MORC2: variants seen among roughly 807,000 people sequenced by gnomAD.
MORC2 encodes the protein MORC family CW-type zinc finger 2.
Under a neutral mutation model 136.0 loss-of-function variants are expected in MORC2, and 30 were observed. The observed-to-expected ratio is 0.22, with a 90% CI of 0.17 to 0.30. MORC2 has a LOEUF of 0.30. Among genes scored for constraint, MORC2 ranks in the 10% least tolerant of loss-of-function variants. MORC2 has a pLI of 1.00. For missense variants in MORC2, 922 were observed against 1,333.1 expected (o/e 0.69, Z 4.80); for synonymous variants, 439 against 487.0 (o/e 0.90, Z 1.30).
intron 6 of MORC2, among the ~76,000 whole-genome samples, chr22:30,945,390 G>A (rs2040801209): frequency 6.6e-6 from 1 of 152,204 alleles, no homozygotes; most frequent in African/African-American, 2.4e-5. Context: ...AACAGAACCA[G>A]AACAAATTTA....
chr22:30,966,216 C>T (rs1483314444), intron 1 of MORC2, among the ~76,000 whole-genome samples: 2 of 152,148 alleles, frequency 1.3e-5, no homozygotes, highest in African/African-American at 2.4e-5. Flanking sequence ...TCATGGTCTT[C>T]CAAGATTATC....
chr22:30,942,089 C>T, intron 7 of MORC2, 23 bp downstream of exon 7: 1 of 1,612,154 alleles, frequency 6.2e-7, no homozygotes, highest in South Asian at 1.1e-5. Context: ...ATTCTAGGGG[C>T]TACAGGCTCA....
chr22:30,963,724 C>T (rs2041084005), intron 1 of MORC2, among the ~76,000 whole-genome samples: 1 of 152,070 alleles, frequency 6.6e-6, no homozygotes, highest in Non-Finnish European at 1.5e-5. Context: ...ACAGTATAAA[C>T]AGTTTGCAGC....
chr22:30,940,924 C>T lies in MORC2; in HGVS notation c.825-87G>A, dbSNP rs2040734220. ...GCACAGGAAGCACCCTGCCTTCCTG[C>T]CTCCTCCCAAGCTGTGCTGTCCTGG... On this transcript the variant is annotated intron_variant, in intron 9 of 25. Coordinates refer to ENST00000397641, the MANE Select transcript of MORC2 (RefSeq NM_001303256.3). 3 of 1,105,732 alleles carry T rather than the reference C, an allele frequency of 2.7e-6. 1 individual carries two copies. Among genetic ancestry groups the T allele is most frequent in the South Asian group, 2.5e-5 (2 of 80,394 alleles). 68.5% of individuals were successfully genotyped at this position (1,105,732 alleles called of 1,614,324 possible).
chr22:30,951,811 T>A (rs2040891243), intron 3 of MORC2, among the ~76,000 whole-genome samples: 1 of 147,534 alleles, frequency 6.8e-6, no homozygotes, highest in African/African-American at 2.5e-5. Context: ...AAAATGCTAT[T>A]TTTTTTTTTT....
chr22:30,967,015 TCATGTAG>T (rs2041138274), intron 1 of MORC2: 2 of 861,222 alleles, frequency 2.3e-6, no homozygotes, highest in Non-Finnish European at 1.4e-6. Context: ...ACTGGACCAT[TCATGTAG>T]CTGCTCATCT....
intron 10 of MORC2, 133 bp from the exon 11 acceptor site, chr22:30,940,174 G>A: frequency 1.2e-6 from 1 of 827,110 alleles, no homozygotes; most frequent in Non-Finnish European, 1.9e-6. Flanking sequence ...GCTATGGCTG[G>A]TGAGCAATGT....
rs1025131791 is a variant in MORC2 at position 30,935,336 on chromosome 22, A to G, written c.1738-14T>C. The G allele has an allele frequency of 6.2e-7, 1 of 1,611,872 alleles. No individual in the cohort carries two copies. The highest frequency in any genetic ancestry group is 8.5e-7 in the Non-Finnish European group (1 of 1,178,568). On this transcript the variant is annotated splice_polypyrimidine_tract_variant and intron_variant, in intron 17 of 25. Transcript: ENST00000397641. ...GGGTGTGGTTTTCTGCAAGGCAAAC[A>G]TCATGATGAAGTTGTTTGCATATTT...
At position 30,935,018 on chromosome 22, in the gene MORC2, C is replaced by A; in HGVS notation, c.1956G>T (p.Lys652Asn). 1 of 1,614,004 alleles carries A rather than the reference C, an allele frequency of 6.2e-7. No homozygotes were observed. Among genetic ancestry groups the A allele is most frequent in the Non-Finnish European group, 8.5e-7 (1 of 1,179,998 alleles). ...RKAPVISSTP[K>N]LPALAAREEA... ...CCTCCCGGGCTGCCAAAGCAGGGAG[C>A]TTTGGGGTACTGCTGATGACAGGAG... Residue 652 changes from lysine to asparagine, a missense_variant, in exon 19 of 26, where the codon AAG becomes AAT. By Grantham distance (94) the Lys-to-Asn change is moderately conservative. This residue lies in a region of MORC2 where 184 missense variants were observed against 180.3 expected (regional missense o/e 1.02). Coordinates refer to ENST00000397641, the MANE Select transcript of MORC2 (RefSeq NM_001303256.3).
In MORC2 at chr22:30,964,911, T is replaced by C. The variant is rs1480839082; in HGVS notation, c.68+2911A>G. On this transcript the variant is annotated intron_variant, in intron 1 of 25. Coordinates refer to ENST00000397641, the MANE Select transcript of MORC2 (RefSeq NM_001303256.3). ...AACTTCTGGTTTATATAAACTATTA[T>C]AGAGTAACACTCACCATTCACACAA... Among the ~76,000 whole-genome samples the C allele has an allele frequency of 5.6e-5, 7 of 125,316 alleles. No individual in the cohort carries two copies. In the South Asian group the frequency reaches 9.2e-4, roughly 17 times the overall value. 82.2% of individuals were successfully genotyped at this position (125,316 alleles called of 152,430 possible). A position where few individuals can be genotyped will look rare whatever the true frequency, so the allele number is the denominator to read the frequency against.
intron 1 of MORC2, among the ~76,000 whole-genome samples, chr22:30,961,247 A>G (rs1025179167): frequency 2.0e-5 from 3 of 152,222 alleles, no homozygotes; most frequent in Non-Finnish European, 4.4e-5. Flanking sequence ...AGAACAAAAA[A>G]TATTTGTCTC....
Position 30,932,588 on chromosome 22 carries a change from T to C in MORC2, c.2704A>G (p.Ser902Gly), listed in dbSNP as rs1432991533. 2 of 1,614,122 alleles carry C rather than the reference T, an allele frequency of 1.2e-6. No individual in the cohort carries two copies. The highest frequency in any genetic ancestry group is 2.2e-5 in the South Asian group (2 of 91,084). The change falls in exon 23 of 26, where the codon AGC (serine) becomes GGC (glycine). Residue 902 changes from serine to glycine, a missense_variant. By Grantham distance (56) the Ser-to-Gly change is moderately conservative. This residue lies in a region of MORC2 where 263 missense variants were observed against 388.3 expected (regional missense o/e 0.68). Coordinates refer to ENST00000397641, the MANE Select transcript of MORC2 (RefSeq NM_001303256.3). The surrounding 1 kb of genome is among the most constrained non-coding windows in gnomAD (Gnocchi z 4.4). ...AGGTCGATGGTCTCGTGATTGGTGCTCAGGGCAGTGGTGTCAGGCTCAATG... is the reference window on the plus strand; with the variant it reads ...AGGTCGATGGTCTCGTGATTGGTGCCCAGGGCAGTGGTGTCAGGCTCAATG... Reference protein sequence around the residue: ...LRIEPDTTALSTNHETIDLLV... With the variant: ...LRIEPDTTALGTNHETIDLLV...
In MORC2 at chr22:30,932,722, G is replaced by A. The variant is rs1345884860; in HGVS notation, c.2570C>T (p.Pro857Leu). The A allele has an allele frequency of 5.6e-6, 9 of 1,614,020 alleles. No individual in the cohort carries two copies. The highest frequency in any genetic ancestry group is 4.0e-5 in the African/African-American group (3 of 74,918). ...TTGTGTATCAAGGCTCTGATGTTCC[G>A]GAGAAGGGGGTTTCATCAGCCGCAC... is the stretch of plus-strand genomic sequence containing the variant. ...EDVRLMKPPS[P>L]EHQSLDTQQE... The change falls in exon 23 of 26, where the codon CCG becomes CTG. Residue 857 changes from proline (P) to leucine (L), a missense_variant. By Grantham distance (98) the Pro-to-Leu change is moderately conservative. This residue lies in a region of MORC2 where 263 missense variants were observed against 388.3 expected (regional missense o/e 0.68). Coordinates refer to ENST00000397641, the MANE Select transcript of MORC2 (RefSeq NM_001303256.3). The surrounding 1 kb of genome is among the most constrained non-coding windows in gnomAD (Gnocchi z 4.4).
At position 30,949,851 on chromosome 22, in the gene MORC2, G is replaced by T; in HGVS notation, c.227-9C>A. The T allele has an allele frequency of 6.2e-7, 1 of 1,613,420 alleles. No individual in the cohort carries two copies. The highest frequency in any genetic ancestry group is 1.1e-5 in the South Asian group (1 of 91,066). On this transcript the variant is annotated splice_polypyrimidine_tract_variant and intron_variant, in intron 4 of 25. Transcript: ENST00000397641. ...CACACTGGCAGCATCACCTGAAAGG[G>T]CAGACACAAGAGAAAGTGAAAAGTT...
chr22:30,951,808 T>C lies in MORC2; in HGVS notation c.158-1363A>G, dbSNP rs2040891056. Among the ~76,000 whole-genome samples the C allele has an allele frequency of 2.0e-5, 3 of 152,006 alleles. No individual in the cohort carries two copies. The South Asian group carries it at 6.2e-4, about 32-fold the overall frequency. On this transcript the variant is annotated intron_variant, in intron 3 of 25. Transcript: ENST00000397641. ...GACTTATTAATGTAAATTAAAATGC[T>C]ATTTTTTTTTTTTTTGAAATGGAGT...
Position 30,925,255 on chromosome 22 carries a change from T to G in MORC2, c.*1548A>C. On this transcript the variant is annotated 3_prime_UTR_variant, in exon 26 of 26. Transcript: ENST00000397641. ...TTGCATTTGGATTAAAACATTAGGT[T>G]TGGGGACAAAAGTGGACCCCATGCT... The G allele has an allele frequency of 3.3e-6, 1 of 299,678 alleles. No homozygotes were observed. The highest frequency in any genetic ancestry group is 6.5e-6 in the Non-Finnish European group (1 of 153,698). 18.6% of individuals were successfully genotyped at this position (299,678 alleles called of 1,614,324 possible).
chr22:30,961,208 C>T (rs1189352626), intron 1 of MORC2, among the ~76,000 whole-genome samples: 1 of 151,910 alleles, frequency 6.6e-6, no homozygotes, highest in Non-Finnish European at 1.5e-5. Context: ...CTTGTGCCCC[C>T]TCAGTAAAAA....
rs540179647 is a variant in MORC2 at position 30,928,175 on chromosome 22, G to A, written c.2874C>T (p.Leu958=). 4.3e-6 allele frequency: 7 copies of A among 1,614,132 alleles called. 1 individual carries two copies. The African/African-American group carries it at 9.3e-5, about 22-fold the overall frequency. The change falls in exon 25 of 26, where the codon CTC becomes CTT. Residue 958 remains leucine, a synonymous_variant. Transcript: ENST00000397641. ...KEYFKQYEVG[L]QNLCNSYQSR... is the part of the protein sequence containing the mutation. ...TCTGGTAGGAATTGCACAGGTTTTG[G>A]AGCCCTACTTCATATTGCTTGAAGT... is the stretch of plus-strand genomic sequence containing the variant.
Position 30,932,677 on chromosome 22 carries a change from T to C in MORC2, c.2615A>G (p.Glu872Gly). ...GGCCTGCTGGGCCACAGGGCCCACC[T>C]CCTCCTCCCCGCCCTCCTGTTGTGT... ...LDTQQEGGEE[E>G]VGPVAQQAIA... Residue 872 changes from glutamate (E) to glycine (G), a missense_variant, in exon 23 of 26, where the codon GAG becomes GGG. Transcript: ENST00000397641. This position sits in a 1 kb window ranked among gnomAD's most constrained non-coding sequence, Gnocchi z 4.4. 1 of 1,614,128 alleles carries C rather than the reference T, an allele frequency of 6.2e-7. No individual in the cohort carries two copies. The highest frequency in any genetic ancestry group is 8.5e-7 in the Non-Finnish European group (1 of 1,180,016).
Sources: gnomAD v4.1 joint callset for allele counts (sites outside exome capture counted in the v4.1 genomes callset) on GRCh38, gnomAD v4.1.1 for gene constraint, gnomAD v4.1.1 regional missense constraint, Gnocchi (gnomAD v3.1) non-coding constraint, MANE v1.5 for transcripts, NCBI Gene and HGNC (gene_info 2026-07-23, HGNC 2026-07-21) for gene names.